The following BACH1 variants were observed in gnomAD, a reference collection of about 807,000 sequenced individuals.
BACH1 encodes the protein BTB domain and CNC homolog 1.
BACH1 carries 35 observed loss-of-function variants against 52.9 expected under a neutral mutation model. The observed-to-expected ratio is 0.66, with a 90% confidence interval of 0.51 to 0.88. The LOEUF (loss-of-function observed/expected upper bound fraction) is 0.88. BACH1 is among the 40% of genes least tolerant of loss of function. The pLI, the probability that BACH1 is intolerant of heterozygous loss-of-function variation, is 0.00. For synonymous variants in BACH1, 321 were observed against 319.6 expected, an observed-to-expected ratio of 1.00 and a Z score of -0.05; for missense variants, 808 against 872.6, an observed-to-expected ratio of 0.93 and a Z score of 0.93.
intron 2 of BACH1, among the ~76,000 whole-genome samples, chr21:29,360,862 CAAAA>C (rs1165456695): frequency 1.4e-5 from 2 of 138,030 alleles, no homozygotes; most frequent in African/African-American, 2.7e-5. Flanking sequence ...AAAAAAAAAA[CAAAA>C]AAAAACCCCA....
At position 29,342,997 on chromosome 21, in the gene BACH1, C is replaced by A; in HGVS notation, c.*164C>A. 1.5e-6 allele frequency: 1 copy of A among 651,146 alleles called. No homozygotes were observed. The highest frequency in any genetic ancestry group is 2.4e-6 in the Non-Finnish European group (1 of 419,994). The allele number at this position is 651,146 out of a possible 1,614,324, so 40.3% of individuals were successfully genotyped here. A position where few individuals can be genotyped will look rare whatever the true frequency, so the allele number is the denominator to read the frequency against. ...GTCAACCATGATTTCTCCTTGATTT[C>A]TACAAGAGACAAAGAAATGATTTTG... On this transcript the variant is annotated 3_prime_UTR_variant, in exon 5 of 5. Coordinates refer to ENST00000286800, the MANE Select transcript of BACH1 (RefSeq NM_001186.4).
At position 29,345,583 on chromosome 21, in the gene BACH1, T is replaced by C. The variant is rs1247029495; in HGVS notation, c.*2750T>C. 6.6e-6 allele frequency: 1 copy of C among 152,582 alleles called. No individual in the cohort carries two copies. The highest frequency in any genetic ancestry group is 2.4e-5 in the African/African-American group (1 of 41,464). The allele number at this position is 152,582 out of a possible 1,614,324, so 9.5% of individuals were successfully genotyped here. On this transcript the variant is annotated 3_prime_UTR_variant, in exon 5 of 5. Coordinates refer to ENST00000286800, the MANE Select transcript of BACH1 (RefSeq NM_001186.4). ...TTCAAAACAAATGTGGATACAGTCT[T>C]GGTTCTCCATCTGTAATTTTTTTTA...
At chr21:29,310,238 A>G (rs1601340958) in intron 1 of BACH1, among the ~76,000 whole-genome samples, 1 of 152,332 alleles carries the variant, frequency 6.6e-6, no homozygotes, top group Non-Finnish European at 1.5e-5. Flanking sequence ...AATAATTGTG[A>G]ACTATCTTTT....
At chr21:29,349,072 C>T (rs1433667989), downstream of BACH1, among the ~76,000 whole-genome samples, 4 of 149,390 alleles carry the variant, frequency 2.7e-5, no homozygotes, top group African/African-American at 7.4e-5. Context: ...CCAGCCTGGG[C>T]GACAGAGTGA....
intron 1 of BACH1, among the ~76,000 whole-genome samples, chr21:29,310,372 T>C (rs1444789522): frequency 6.6e-6 from 1 of 152,236 alleles, no homozygotes; most frequent in Non-Finnish European, 1.5e-5. Flanking sequence ...GATCTTACCA[T>C]GCTAATATTT....
chr21:29,322,669 T>C (rs1231766922), intron 2 of BACH1, among the ~76,000 whole-genome samples: 2 of 152,220 alleles, frequency 1.3e-5, no homozygotes, highest in Admixed American at 6.5e-5. Context: ...TGTGGGATAT[T>C]CCCAGTTGGA....
chr21:29,346,936 A>G (rs2089172551), downstream of BACH1, among the ~76,000 whole-genome samples: 1 of 152,200 alleles, frequency 6.6e-6, no homozygotes, highest in Non-Finnish European at 1.5e-5. Flanking sequence ...GGAGGTTGTC[A>G]CAGTGAGAGG....
downstream of BACH1, among the ~76,000 whole-genome samples, chr21:29,346,304 G>A (rs2089167713): frequency 6.6e-6 from 1 of 151,852 alleles, no homozygotes; most frequent in South Asian, 2.1e-4. Context: ...CAGCATTCAG[G>A]TGTTTTAGGA....
chr21:29,306,206 G>GTGTA (rs2088655630), intron 1 of BACH1, among the ~76,000 whole-genome samples: 1 of 147,182 alleles, frequency 6.8e-6, no homozygotes, highest in East Asian at 1.9e-4. Flanking sequence ...GTGTGTGTGT[G>GTGTA]TGTGTATTTA....
At chr21:29,334,374 A>G (rs1222179526) in intron 4 of BACH1, among the ~76,000 whole-genome samples, 1 of 152,196 alleles carries the variant, frequency 6.6e-6, no homozygotes, top group Non-Finnish European at 1.5e-5. Flanking sequence ...CTGGGATTAT[A>G]GGCGTGAGCC....
chr21:29,307,733 C>T (rs531442156), intron 1 of BACH1, among the ~76,000 whole-genome samples: 1 of 152,262 alleles, frequency 6.6e-6, no homozygotes, highest in Admixed American at 6.5e-5. Flanking sequence ...AATGTATCCC[C>T]TGTAGATAAG....
chr21:29,325,913 GA>G (rs1341951847), intron 2 of BACH1, 145 bp from the exon 3 acceptor site: 25 of 886,560 alleles, frequency 2.8e-5, no homozygotes, highest in Non-Finnish European at 3.8e-5. Context: ...TTTCTTAGAA[GA>G]ATATGTTTTC....
intron 2 of BACH1, chr21:29,359,008 C>T (rs1252939231): frequency 6.6e-6 from 1 of 151,966 alleles, no homozygotes; most frequent in African/African-American, 2.4e-5. Flanking sequence ...ACATCAGACA[C>T]AGTAATTGTA....
downstream of BACH1, among the ~76,000 whole-genome samples, chr21:29,350,069 G>A (rs2089193662): frequency 6.6e-6 from 1 of 152,058 alleles, no homozygotes; most frequent in South Asian, 2.1e-4. Context: ...AAGCCACAAC[G>A]ATCCTCTAGA....
At chr21:29,305,444 C>G (rs1297059904) in intron 1 of BACH1, 2 of 151,992 alleles carry the variant, frequency 1.3e-5, no homozygotes, top group Non-Finnish European at 2.9e-5. Flanking sequence ...TCTCTGAGGG[C>G]CTCCTGTCTT....
At chr21:29,303,320 C>G (rs1405828203) in intron 1 of BACH1, among the ~76,000 whole-genome samples, 1 of 152,146 alleles carries the variant, frequency 6.6e-6, no homozygotes, top group Admixed American at 6.5e-5. Context: ...TTCTTTCAGC[C>G]AGATTGTAAG....
Position 29,325,247 on chromosome 21 carries a change from AAATATT to A in BACH1, c.235-804_235-799del, listed in dbSNP as rs1569014661. On this transcript the variant is annotated intron_variant, in intron 2 of 4. Transcript: ENST00000286800. ...TCCGTCTTAGAAAAAAAAAAATCACAAATATTAATATTATCTTGACCACTCTTATAA... is the reference window on the plus strand; with the variant it reads ...TCCGTCTTAGAAAAAAAAAAATCACAAATATTATCTTGACCACTCTTATAA... Among the ~76,000 whole-genome samples the A allele has an allele frequency of 2.6e-5, 4 of 152,234 alleles. No homozygotes were observed. In the South Asian group the frequency reaches 6.2e-4, roughly 24 times the overall value.
At chr21:29,311,419 T>C (rs1326544175) in intron 1 of BACH1, among the ~76,000 whole-genome samples, 2 of 152,154 alleles carry the variant, frequency 1.3e-5, no homozygotes, top group Non-Finnish European at 2.9e-5. Flanking sequence ...TACTTGTTGG[T>C]TTTTGTTTGT....
At chr21:29,334,850 C>T (rs2089025892) in intron 4 of BACH1, among the ~76,000 whole-genome samples, 1 of 152,138 alleles carries the variant, frequency 6.6e-6, no homozygotes, top group African/African-American at 2.4e-5. Flanking sequence ...TAAACCTGTC[C>T]TATTCACAAC....
Sources: allele counts gnomAD v4.1 joint callset (sites outside exome capture counted in the v4.1 genomes callset), GRCh38; gene constraint gnomAD v4.1.1; transcripts MANE v1.5; gene names NCBI Gene and HGNC (gene_info 2026-07-23, HGNC 2026-07-21).